The following CAMK1D variants were observed in gnomAD, a reference collection of about 807,000 sequenced individuals.
CAMK1D encodes calcium/calmodulin dependent protein kinase ID.
CAMK1D carries 9 observed loss-of-function variants against 47.7 expected under a neutral mutation model. That is an observed-to-expected ratio of 0.19 (90% CI 0.11 to 0.33). CAMK1D has a LOEUF of 0.33. Among genes scored for constraint, CAMK1D ranks in the 10% least tolerant of loss-of-function variants. The pLI is 1.00. For synonymous variants in CAMK1D, 184 were observed against 184.9 expected, an observed-to-expected ratio of 0.99 and a Z score of 0.04; for missense variants, 291 against 488.7, an observed-to-expected ratio of 0.60 and a Z score of 3.81.
chr10:12,600,154 CA>C (rs1838258723), intron 2 of CAMK1D, among the ~76,000 whole-genome samples: 1 of 151,952 alleles, frequency 6.6e-6, no homozygotes, highest in Non-Finnish European at 1.5e-5. Flanking sequence ...AATAGCAGAA[CA>C]ATAGAAGTTT....
At chr10:12,681,827 GT>G (rs1254444809) in intron 3 of CAMK1D, among the ~76,000 whole-genome samples, 1 of 152,186 alleles carries the variant, frequency 6.6e-6, no homozygotes, top group Non-Finnish European at 1.5e-5. Context: ...ACATTTTGAA[GT>G]TTGTAGCAAA....
intron 6 of CAMK1D, among the ~76,000 whole-genome samples, chr10:12,806,646 C>T (rs1314337417): frequency 6.6e-6 from 1 of 152,206 alleles, no homozygotes; most frequent in East Asian, 1.9e-4. Flanking sequence ...CCGAGCTCCA[C>T]CCTTGATCCT....
intron 6 of CAMK1D, among the ~76,000 whole-genome samples, chr10:12,805,038 A>G (rs1838663701): frequency 6.6e-6 from 1 of 151,438 alleles, no homozygotes; most frequent in South Asian, 2.1e-4. Context: ...ATGTAGGCGG[A>G]TCACGAGGTC....
intron 1 of CAMK1D, among the ~76,000 whole-genome samples, chr10:12,387,344 A>G (rs1361094058): frequency 3.6e-5 from 5 of 137,254 alleles, no homozygotes; most frequent in South Asian, 2.2e-4. Context: ...TGAGATATAT[A>G]TATTATATTT....
chr10:12,588,547 C>T (rs2132354641), intron 2 of CAMK1D, among the ~76,000 whole-genome samples: 1 of 152,146 alleles, frequency 6.6e-6, no homozygotes, highest in Non-Finnish European at 1.5e-5. Context: ...TGCGAACTGA[C>T]CTGGAGCCTT....
chr10:12,495,471 GT>G (rs1428346783), intron 1 of CAMK1D, among the ~76,000 whole-genome samples: 3 of 152,124 alleles, frequency 2.0e-5, no homozygotes, highest in East Asian at 1.9e-4. Flanking sequence ...TAATAGGTCA[GT>G]TTTTTTCCAG....
chr10:12,471,242 C>G (rs925896566), intron 1 of CAMK1D, among the ~76,000 whole-genome samples: 2 of 152,162 alleles, frequency 1.3e-5, no homozygotes, highest in African/African-American at 4.8e-5. Context: ...GGGAATCAGC[C>G]CTGCTCTGGA....
Position 12,787,381 on chromosome 10 carries a change from T to C in CAMK1D, c.566-3777T>C, listed in dbSNP as rs550460336. 1.0e-3 allele frequency among the ~76,000 whole-genome samples: 155 copies of C among 152,312 alleles called. 3 individuals are homozygous for C. The highest frequency in any genetic ancestry group is 3.7e-3 in the African/African-American group (152 of 41,564). ...GGATGGTGGCCAGTATGTTCCTCAT[T>C]CTAACAGATGATGAAGACGGGGAGG... is the stretch of plus-strand genomic sequence containing the variant. On this transcript the variant is annotated intron_variant, in intron 5 of 10. Transcript: ENST00000619168.
At position 12,430,814 on chromosome 10, in the gene CAMK1D, A is replaced by T. The variant is rs931132104; in HGVS notation, c.92+80904A>T. Among the ~76,000 whole-genome samples, 4 of 152,150 alleles carry T rather than the reference A, an allele frequency of 2.6e-5. No homozygotes were observed. The East Asian group carries it at 7.7e-4, about 29-fold the overall frequency. On this transcript the variant is annotated intron_variant, in intron 1 of 10. Coordinates refer to ENST00000619168, the MANE Select transcript of CAMK1D (RefSeq NM_153498.4). ...GGCCCCGGCTGGAGTGCAGTGGTGCAATCTCAGCTCACTGCAACCTCTGCC... is the reference window on the plus strand; with the variant it reads ...GGCCCCGGCTGGAGTGCAGTGGTGCTATCTCAGCTCACTGCAACCTCTGCC...
chr10:12,560,321 G>C (rs10906171), intron 2 of CAMK1D, among the ~76,000 whole-genome samples: 45,774 of 151,838 alleles, frequency 0.3, 8,255 homozygotes, highest in Non-Finnish European at 0.4. Context: ...GGGAAGGCGA[G>C]GCGGGCGGAT....
intron 2 of CAMK1D, among the ~76,000 whole-genome samples, chr10:12,589,354 C>T (rs1312019109): frequency 1.3e-5 from 2 of 152,164 alleles, no homozygotes; most frequent in African/African-American, 2.4e-5. Flanking sequence ...TGCAAACATA[C>T]AAAATGTGAC....
intron 1 of CAMK1D, among the ~76,000 whole-genome samples, chr10:12,464,362 T>A (rs771345088): frequency 6.6e-6 from 1 of 152,146 alleles, no homozygotes; most frequent in Non-Finnish European, 1.5e-5. Context: ...AGTCAGTAAA[T>A]GAACTGGCCA....
At chr10:12,410,086 T>G (rs1839602828) in intron 1 of CAMK1D, among the ~76,000 whole-genome samples, 1 of 152,262 alleles carries the variant, frequency 6.6e-6, no homozygotes, top group African/African-American at 2.4e-5. Context: ...ATCACACATT[T>G]TGTTTATCTG....
chr10:12,619,937 A>G (rs901261829), intron 2 of CAMK1D, among the ~76,000 whole-genome samples: 12 of 152,200 alleles, frequency 7.9e-5, no homozygotes, highest in Admixed American at 7.9e-4. Flanking sequence ...TATAAATTGA[A>G]TCTTACAATA....
intron 3 of CAMK1D, among the ~76,000 whole-genome samples, chr10:12,742,488 G>A (rs1483700787): frequency 6.6e-6 from 1 of 152,208 alleles, no homozygotes; most frequent in Non-Finnish European, 1.5e-5. Flanking sequence ...ACAATTGAAT[G>A]ATTTTCAGTA....
chr10:12,686,074 A>C (rs368174928), intron 3 of CAMK1D, among the ~76,000 whole-genome samples: 4 of 152,108 alleles, frequency 2.6e-5, no homozygotes, highest in African/African-American at 9.7e-5. Context: ...ATGTACACCT[A>C]CCAGCTGGAA....
rs552544985 is a variant in CAMK1D, at chr10:12,834,732, G to A, written c.*5845G>A. The A allele has an allele frequency of 6.6e-6, 1 of 152,228 alleles. No individual in the cohort carries two copies. The highest frequency in any genetic ancestry group is 2.1e-4 in the South Asian group (1 of 4,816). The allele number at this position is 152,228 out of a possible 1,614,324, so 9.4% of individuals were successfully genotyped here. The stretch of plus-strand genomic sequence containing the variant: ...TGAGGAGGAGTTGGTTTTACTCTTA[G>A]AGATAAGACTTCAGCAGGGGCTCAG... On this transcript the variant is annotated 3_prime_UTR_variant, in exon 11 of 11. Transcript: ENST00000619168.
At chr10:12,734,383 TAGATATAG>T (rs1564524226) in intron 3 of CAMK1D, among the ~76,000 whole-genome samples, 5 of 1,946 alleles carry the variant, frequency 2.6e-3, no homozygotes, top group Admixed American at 0.011. Flanking sequence ...TATATAGATA[TAGATATAG>T]ATATATATAT....
At position 12,666,785 on chromosome 10, in the gene CAMK1D, A is replaced by C. The variant is rs1435005582; in HGVS notation, c.274A>C (p.Asn92His). 5 of 1,613,894 alleles carry C rather than the reference A, an allele frequency of 3.1e-6. No homozygotes were observed. Among genetic ancestry groups the C allele is most frequent in the Non-Finnish European group, 4.2e-6 (5 of 1,179,912 alleles). The change falls in exon 3 of 11, where the codon AAT becomes CAT. Residue 92 changes from asparagine (N) to histidine (H), a missense_variant. Physicochemically the swap from Asn to His is moderately conservative, Grantham distance 68. Around this residue, in one of 2 missense-constraint regions of CAMK1D, gnomAD observed 219 missense variants for 424.3 expected, o/e 0.52. Transcript: ENST00000619168. ...VALEDIYESP[N>H]HLYLVMQLVS... Reference sequence around the variant, plus strand: ...CCTGGAAGACATTTATGAAAGCCCAAATCACCTGTACTTGGTCATGCAGCT... The same window carrying C: ...CCTGGAAGACATTTATGAAAGCCCACATCACCTGTACTTGGTCATGCAGCT...
Sources: gnomAD v4.1 joint callset for allele counts (sites outside exome capture counted in the v4.1 genomes callset) on GRCh38, gnomAD v4.1.1 for gene constraint, gnomAD v4.1.1 regional missense constraint, MANE v1.5 for transcripts, NCBI Gene and HGNC (gene_info 2026-07-23, HGNC 2026-07-21) for gene names.